Variants in UEVLD observed in about 807,000 individuals in gnomAD.
The protein encoded by UEVLD is ubiquitin-conjugating enzyme E2 variant 3.
In UEVLD, 47 loss-of-function variants were observed where a neutral mutation model predicts 58.6. That is an observed-to-expected ratio of 0.80 (90% CI 0.63 to 1.02). The LOEUF is 1.02. UEVLD is among the 50% of genes least tolerant of loss of function. The pLI is 0.00. For missense variants in UEVLD, 510 were observed against 550.6 expected (o/e 0.93, Z 0.74); for synonymous variants, 197 against 195.3 (o/e 1.01, Z -0.07).
Position 18,546,446 on chromosome 11 carries a change from T to G in UEVLD, c.886+434A>C, listed in dbSNP as rs1021255548. Among the ~76,000 whole-genome samples the G allele has an allele frequency of 3.9e-5, 6 of 152,168 alleles. No individual in the cohort carries two copies. The East Asian group carries it at 9.6e-4, about 24-fold the overall frequency. On this transcript the variant is annotated intron_variant, in intron 8 of 11. Coordinates refer to ENST00000396197, the MANE Select transcript of UEVLD (RefSeq NM_001040697.4). ...ATTATATAGGCAATTTTGCTGAATA[T>G]TCTAGCCATCTCTTTATAATTTAAA...
intron 1 of UEVLD, among the ~76,000 whole-genome samples, chr11:18,581,652 C>A (rs1164426334): frequency 6.7e-6 from 1 of 148,182 alleles, no homozygotes; most frequent in Non-Finnish European, 1.5e-5. Flanking sequence ...TCACTGCACT[C>A]TAGTGACAGA....
At position 18,536,438 on chromosome 11, in the gene UEVLD, C is replaced by G. The variant is rs769870400; in HGVS notation, c.1092G>C (p.Val364=). The G allele has an allele frequency of 3.7e-6, 6 of 1,613,896 alleles. No individual in the cohort carries two copies. The South Asian group carries it at 5.5e-5, about 15-fold the overall frequency. Residue 364 remains valine, a synonymous_variant, in exon 10 of 12, where the codon GTG becomes GTC. Coordinates refer to ENST00000396197, the MANE Select transcript of UEVLD (RefSeq NM_001040697.4). The part of the protein sequence containing the change: ...VLTWSGQEEV[V]SHTSQVQLSN... ...ACAGCTGCACTTGAGAGGTATGACT[C>G]ACTACTTCTTCTTGGCCACTCCATG... is the stretch of plus-strand genomic sequence containing the variant.
At chr11:18,583,531 AT>A (rs1394876596) in intron 1 of UEVLD, among the ~76,000 whole-genome samples, 2 of 151,982 alleles carry the variant, frequency 1.3e-5, no homozygotes, top group Non-Finnish European at 2.9e-5. Flanking sequence ...GAAGACTGAT[AT>A]TTCAAGAGTA....
chr11:18,583,657 C>CTTT (rs35384688), intron 1 of UEVLD, among the ~76,000 whole-genome samples: 6,622 of 117,052 alleles, frequency 0.057, 400 homozygotes, highest in East Asian at 0.14. Flanking sequence ...TCCAGTATTA[C>CTTT]TTTTTTTTTT....
chr11:18,546,517 T>TGA lies in UEVLD; in HGVS notation c.886+361_886+362dup, dbSNP rs1037702608. Among the ~76,000 whole-genome samples the TGA allele has an allele frequency of 4.8e-5, 7 of 144,748 alleles. No homozygotes were observed. In the East Asian group the frequency reaches 6.4e-4, roughly 13 times the overall value. 95.0% of individuals were successfully genotyped at this position (144,748 alleles called of 152,430 possible). ...TTATTTTGTTTTTGTTTTTTTTTTT[T>TGA]GAGAGAGTCTCACTCTGTCGGCCAG... On this transcript the variant is annotated intron_variant, in intron 8 of 11. Coordinates refer to ENST00000396197, the MANE Select transcript of UEVLD (RefSeq NM_001040697.4).
chr11:18,580,960 C>T (rs1012549368), intron 1 of UEVLD, among the ~76,000 whole-genome samples: 29 of 151,908 alleles, frequency 1.9e-4, no homozygotes, highest in African/African-American at 6.3e-4. Flanking sequence ...GTCAGGAGTT[C>T]AAGACTAGCC....
intron 6 of UEVLD, among the ~76,000 whole-genome samples, chr11:18,559,003 T>C (rs914495991): frequency 2.0e-4 from 30 of 151,192 alleles, no homozygotes; most frequent in African/African-American, 6.6e-4. Context: ...GCCTCCCAAA[T>C]AGCTGGGATT....
chr11:18,575,204 G>T, intron 3 of UEVLD, 143 bp downstream of exon 3: 2 of 800,042 alleles, frequency 2.5e-6, no homozygotes, highest in Non-Finnish European at 3.9e-6. Context: ...GGCCTTCCTT[G>T]ACTGGAACAG....
intron 8 of UEVLD, among the ~76,000 whole-genome samples, chr11:18,545,040 A>C (rs1423440927): frequency 1.0e-5 from 1 of 99,788 alleles, no homozygotes. Context: ...GTGTGTGTAT[A>C]TCTATCTATA....
chr11:18,541,330 G>C (rs2133965941), intron 9 of UEVLD, among the ~76,000 whole-genome samples: 1 of 152,300 alleles, frequency 6.6e-6, no homozygotes, highest in African/African-American at 2.4e-5. Flanking sequence ...GTAAGTAAAA[G>C]GGCGAGGTGG....
At chr11:18,572,426 T>C (rs999264981) in intron 3 of UEVLD, among the ~76,000 whole-genome samples, 2 of 152,188 alleles carry the variant, frequency 1.3e-5, no homozygotes, top group African/African-American at 2.4e-5. Flanking sequence ...CTTCACTTCA[T>C]CCCTTCCCAA....
intron 7 of UEVLD, among the ~76,000 whole-genome samples, chr11:18,554,500 G>A (rs1464807987): frequency 4.0e-5 from 6 of 149,792 alleles, no homozygotes; most frequent in Non-Finnish European, 7.4e-5. Flanking sequence ...AGGTTCAAGC[G>A]ATCTTCCTGC....
intron 1 of UEVLD, among the ~76,000 whole-genome samples, chr11:18,581,093 C>T (rs558352987): frequency 3.7e-4 from 54 of 147,730 alleles, no homozygotes; most frequent in African/African-American, 1.3e-3. Flanking sequence ...ACCCAGGAGG[C>T]GGAGGTTGCA....
In UEVLD at chr11:18,546,990, G is replaced by A. The variant is rs764487329; in HGVS notation, c.776C>T (p.Ser259Phe). 9.3e-6 allele frequency: 15 copies of A among 1,614,078 alleles called. No individual in the cohort carries two copies. The Middle Eastern group carries it at 4.9e-4, about 53-fold the overall frequency. Reference protein sequence around the residue: ...VIFTVNSLGSSQSYLDVVQSN... With the variant: ...VIFTVNSLGSFQSYLDVVQSN... ...CTGTACCACATCAAGGTACGACTGAGAACTACCCAAAGAGTTGACTGTGAA... is the reference window on the plus strand; with the variant it reads ...CTGTACCACATCAAGGTACGACTGAAAACTACCCAAAGAGTTGACTGTGAA... The change falls in exon 8 of 12, where the codon TCT (serine) becomes TTT (phenylalanine). Residue 259 changes from serine to phenylalanine, a missense_variant. Ser to Phe is a radical substitution (Grantham distance 155). Coordinates refer to ENST00000396197, the MANE Select transcript of UEVLD (RefSeq NM_001040697.4).
chr11:18,559,360 G>A (rs1851903847), intron 6 of UEVLD, among the ~76,000 whole-genome samples: 1 of 151,868 alleles, frequency 6.6e-6, no homozygotes, highest in Non-Finnish European at 1.5e-5. Context: ...CACCTCACCT[G>A]GCTATTTTTT....
chr11:18,578,874 C>CA, intron 1 of UEVLD, 66 bp from the exon 2 acceptor site: 1 of 1,011,678 alleles, frequency 9.9e-7, no homozygotes, highest in Non-Finnish European at 1.4e-6. Flanking sequence ...TTGCAGTTAA[C>CA]TTTTTTTTTT....
In UEVLD at chr11:18,563,555, C is replaced by CA. The variant is rs1415445346; in HGVS notation, c.612+1336dup. On this transcript the variant is annotated intron_variant, in intron 6 of 11. Transcript: ENST00000396197. ...GCAGTAAGCTGAGATTGCACCACTG[C>CA]ATTCCAGCCTGTGCAACAGAACATG... 7.4e-6 allele frequency: 4 copies of CA among 539,854 alleles called. No homozygotes were observed. In the African/African-American group the frequency reaches 8.2e-5, roughly 11 times the overall value. 33.4% of individuals were successfully genotyped at this position (539,854 alleles called of 1,614,324 possible).
In UEVLD at chr11:18,563,407, A is replaced by G. The variant is rs536570536; in HGVS notation, c.612+1485T>C. On this transcript the variant is annotated intron_variant, in intron 6 of 11. Transcript: ENST00000396197. ...GGAATTCAAGACCAGCCTGGGCAAC[A>G]TGGTGAAACTCTGTCTCTACAAAAA... Among the ~76,000 whole-genome samples the G allele has an allele frequency of 5.3e-5, 8 of 152,112 alleles. No homozygotes were observed. In the South Asian group the frequency reaches 6.2e-4, roughly 12 times the overall value.
At chr11:18,536,495 T>C (rs113453653) in intron 9 of UEVLD, 26 bp from the exon 10 acceptor site, 1 of 1,596,244 alleles carries the variant, frequency 6.3e-7, no homozygotes, top group Admixed American at 1.7e-5. Flanking sequence ...GAATTAATTA[T>C]GTTTTGCCAG....
Sources: gnomAD v4.1 joint callset for allele counts (sites outside exome capture counted in the v4.1 genomes callset) on GRCh38, gnomAD v4.1.1 for gene constraint, MANE v1.5 for transcripts, NCBI Gene and HGNC (gene_info 2026-07-23, HGNC 2026-07-21) for gene names.